Variants in ITIH6 observed in about 807,000 individuals in gnomAD.
ITIH6 encodes inter-alpha-trypsin inhibitor heavy chain H6.
ITIH6 carries 60 observed loss-of-function variants against 58.2 expected under a neutral mutation model. The ratio of observed to expected loss-of-function variants is 1.03; its 90% CI spans 0.84 to 1.28. ITIH6 has a LOEUF of 1.28. Ranked by LOEUF, ITIH6 falls within the 50% of genes most tolerant of loss-of-function variation. The pLI is 0.00. For missense variants in ITIH6, 1,290 were observed against 1,021.1 expected, an observed-to-expected ratio of 1.26 and a Z score of -3.59; for synonymous variants, 493 against 417.4, an observed-to-expected ratio of 1.18 and a Z score of -2.21.
At chrX:54,767,066 C>A (rs995802861) in intron 6 of ITIH6, among the ~76,000 whole-genome samples, 4 of 110,681 alleles carry the variant, frequency 3.6e-5, no homozygotes, top group African/African-American at 1.3e-4. Context: ...ACAATTTCAG[C>A]TCCTGTTATT....
At chrX:54,767,132 C>T (rs1392417138) in intron 6 of ITIH6, among the ~76,000 whole-genome samples, 5 of 109,539 alleles carry the variant, frequency 4.6e-5, no homozygotes, top group Admixed American at 2.9e-4. Context: ...GTGTATGCGT[C>T]GAGGAATGTA....
intron 2 of ITIH6, among the ~76,000 whole-genome samples, chrX:54,796,679 A>G (rs1466445105): frequency 1.3e-5 from 1 of 75,509 alleles, no homozygotes; most frequent in Admixed American, 1.4e-4. Context: ...GCGAGACTCC[A>G]TGTCAAAAAA....
intron 6 of ITIH6, among the ~76,000 whole-genome samples, chrX:54,771,112 T>G (rs758406664): frequency 4.5e-5 from 5 of 112,088 alleles, no homozygotes; most frequent in Non-Finnish European, 5.6e-5. Context: ...CATTTTCCTC[T>G]GGCTTTTTAA....
At chrX:54,779,800 A>G (rs143751678) in intron 5 of ITIH6, among the ~76,000 whole-genome samples, 4,956 of 111,131 alleles carry the variant, frequency 0.045, 127 homozygotes, top group Non-Finnish European at 0.074. Context: ...TATAAGAAAA[A>G]CATTTCATCT....
chrX:54,798,083 C>CT (rs753722363), intron 1 of ITIH6, 26 bp downstream of exon 1: 2 of 1,050,696 alleles, frequency 1.9e-6, no homozygotes, highest in Non-Finnish European at 1.3e-6. Context: ...AATCCCCAAG[C>CT]TTTTTTCCCT....
In ITIH6 at chrX:54,780,633, C is replaced by T. The variant is rs773760559; in HGVS notation, c.787-6436G>A. Among the ~76,000 whole-genome samples the T allele has an allele frequency of 1.3e-3, 148 of 110,714 alleles. 2 individuals carry two copies. The highest frequency in any genetic ancestry group is 4.3e-3 in the African/African-American group (131 of 30,491). Reference sequence around the variant, plus strand: ...TAGAAAAGCAAGAGCAAACCAAACCCTAAATTAGTAGAAGGAAACAACTAA... The same window carrying T: ...TAGAAAAGCAAGAGCAAACCAAACCTTAAATTAGTAGAAGGAAACAACTAA... On this transcript the variant is annotated intron_variant, in intron 5 of 12. Transcript: ENST00000218436.
At chrX:54,754,272 T>A (rs1227995829) in intron 9 of ITIH6, among the ~76,000 whole-genome samples, 1 of 111,886 alleles carries the variant, frequency 8.9e-6, no homozygotes, top group Middle Eastern at 4.2e-3. Flanking sequence ...CAAATGCTCT[T>A]TTCTCTTGCT....
intron 6 of ITIH6, among the ~76,000 whole-genome samples, chrX:54,767,699 C>G (rs371164221): frequency 2.9e-5 from 3 of 103,330 alleles, no homozygotes; most frequent in Non-Finnish European, 5.8e-5. Context: ...AGTTGAGCGG[C>G]TTTGAGTGAG....
chrX:54,768,728 G>T (rs1477402080), intron 6 of ITIH6, among the ~76,000 whole-genome samples: 5 of 103,444 alleles, frequency 4.8e-5, no homozygotes, highest in African/African-American at 1.5e-4. Context: ...CTGGCTTGTA[G>T]GGTTTCTGCC....
chrX:54,778,068 A>G (rs757990886), intron 5 of ITIH6, among the ~76,000 whole-genome samples: 8 of 112,268 alleles, frequency 7.1e-5, no homozygotes, highest in Non-Finnish European at 1.5e-4. Flanking sequence ...GAGATAACAC[A>G]GAGAAGGCAT....
At chrX:54,773,195 T>C (rs1928987559) in intron 6 of ITIH6, among the ~76,000 whole-genome samples, 1 of 111,853 alleles carries the variant, frequency 8.9e-6, no homozygotes, top group South Asian at 3.8e-4. Flanking sequence ...AAGCATTCTA[T>C]ACTCTTATGA....
intron 8 of ITIH6, among the ~76,000 whole-genome samples, chrX:54,756,339 G>A (rs1211235318): frequency 9.0e-6 from 1 of 111,572 alleles, no homozygotes; most frequent in Non-Finnish European, 1.9e-5. Context: ...GTGTGACATT[G>A]AGAAACTTAT....
Position 54,758,631 on chromosome X carries a change from G to T in ITIH6, c.1443C>A (p.Tyr481Ter). Residue 481 changes from tyrosine to a stop codon, truncating the protein, a stop_gained, in exon 8 of 13, where the codon TAC becomes TAA. Coordinates refer to ENST00000218436, the MANE Select transcript of ITIH6 (RefSeq NM_198510.3). LOFTEE classifies it high-confidence loss of function. ...GGGAGGCCCCAACCAAGCCACCCAGGTAGTTCAGACGCACATCTGCCAGCA... is the reference window on the plus strand; with the variant it reads ...GGGAGGCCCCAACCAAGCCACCCAGTTAGTTCAGACGCACATCTGCCAGCA... ...MPLLADVRLN[Y>*]LGGLVGASPW... The T allele has an allele frequency of 2.5e-6, 3 of 1,211,777 alleles. No individual in the cohort carries two copies. Among genetic ancestry groups the T allele is most frequent in the Non-Finnish European group, 3.4e-6 (3 of 895,469 alleles).
intron 6 of ITIH6, among the ~76,000 whole-genome samples, chrX:54,766,637 T>C (rs1359522988): frequency 1.3e-5 from 1 of 76,403 alleles, no homozygotes; most frequent in Non-Finnish European, 2.4e-5. Flanking sequence ...TCTGCATCTA[T>C]TGAGATAATC....
chrX:54,754,772 C>T (rs1928452830), intron 9 of ITIH6, among the ~76,000 whole-genome samples: 3 of 112,098 alleles, frequency 2.7e-5, no homozygotes, highest in Non-Finnish European at 3.8e-5. Flanking sequence ...TGACAGACAC[C>T]TTGATTTCAA....
chrX:54,750,661 C>T (rs1484109529), intron 12 of ITIH6, among the ~76,000 whole-genome samples: 1 of 111,885 alleles, frequency 8.9e-6, no homozygotes, highest in Non-Finnish European at 1.9e-5. Flanking sequence ...ACTCTATTTC[C>T]TCCAACTTCC....
intron 9 of ITIH6, 146 bp from the exon 10 acceptor site, chrX:54,754,111 T>G (rs898449966): frequency 7.5e-6 from 4 of 536,609 alleles, no homozygotes; most frequent in Middle Eastern, 3.7e-4. Context: ...AGCTCTCCAG[T>G]CTTTGTGCTC....
chrX:54,783,499 CA>C (rs1305602787), intron 5 of ITIH6, among the ~76,000 whole-genome samples: 1 of 111,854 alleles, frequency 8.9e-6, no homozygotes, highest in East Asian at 2.8e-4. Flanking sequence ...TTGCAGGATA[CA>C]AAATCAACAA....
chrX:54,789,802 T>C (rs1421740054), intron 4 of ITIH6, among the ~76,000 whole-genome samples: 1 of 112,962 alleles, frequency 8.9e-6, no homozygotes, highest in African/African-American at 3.2e-5. Context: ...CTAATGCTAA[T>C]GAGTAGAATG....
Sources: gnomAD v4.1 joint callset for allele counts (sites outside exome capture counted in the v4.1 genomes callset) on GRCh38, gnomAD v4.1.1 for gene constraint, MANE v1.5 for transcripts, NCBI Gene and HGNC (gene_info 2026-07-23, HGNC 2026-07-21) for gene names.